The following NPEPPS variants were observed in gnomAD, a reference collection of about 807,000 sequenced individuals.
NPEPPS encodes the protein aminopeptidase puromycin sensitive.
A neutral mutation model predicts 115.5 loss-of-function variants in NPEPPS; 14 were observed. The ratio of observed to expected loss-of-function variants is 0.12; its 90% CI spans 0.08 to 0.19. NPEPPS has a LOEUF of 0.19. Ranked by LOEUF, NPEPPS falls within the 10% of genes least tolerant of loss-of-function variation. NPEPPS has a pLI of 1.00. For missense variants in NPEPPS, 523 were observed against 1,110.8 expected, an observed-to-expected ratio of 0.47 and a Z score of 7.52; for synonymous variants, 285 against 390.6, an observed-to-expected ratio of 0.73 and a Z score of 3.19.
intron 17 of NPEPPS, among the ~76,000 whole-genome samples, chr17:47,612,087 G>A (rs1913906483): frequency 1.3e-5 from 2 of 152,070 alleles, no homozygotes; most frequent in Admixed American, 1.3e-4. Flanking sequence ...ATTATACAAA[G>A]AGCATACTAG....
intron 2 of NPEPPS, among the ~76,000 whole-genome samples, chr17:47,560,028 A>G (rs1207655532): frequency 6.6e-6 from 1 of 152,208 alleles, no homozygotes; most frequent in African/African-American, 2.4e-5. Flanking sequence ...AAAGTGGCCT[A>G]GAATGCAAAG....
At chr17:47,594,585 T>G (rs1912727694) in intron 12 of NPEPPS, among the ~76,000 whole-genome samples, 1 of 137,856 alleles carries the variant, frequency 7.3e-6, no homozygotes, top group Non-Finnish European at 1.5e-5. Flanking sequence ...TAATTTTGTA[T>G]TTTATTTTAT....
chr17:47,600,917 A>G (rs183561125), intron 14 of NPEPPS, among the ~76,000 whole-genome samples: 2 of 152,186 alleles, frequency 1.3e-5, no homozygotes, highest in African/African-American at 4.8e-5. Flanking sequence ...GCACCTTAGA[A>G]TTTGTTTTTA....
At chr17:47,578,538 TATAAA>T (rs1911671068) in intron 3 of NPEPPS, among the ~76,000 whole-genome samples, 1 of 152,148 alleles carries the variant, frequency 6.6e-6, no homozygotes, top group Admixed American at 6.6e-5. Context: ...TTTTTTATGT[TATAAA>T]AAAGAAAGTA....
chr17:47,569,149 T>C lies in NPEPPS; in HGVS notation c.341-268T>C, dbSNP rs1180788233. On this transcript the variant is annotated intron_variant, in intron 2 of 22. Coordinates refer to ENST00000322157, the MANE Select transcript of NPEPPS (RefSeq NM_006310.4). ...CACACAGGAATCTGATAGAAAAGCA[T>C]CACATTTATAAAGCCTTCTTTCCTG... Among the ~76,000 whole-genome samples the C allele has an allele frequency of 5.8e-3, 881 of 152,116 alleles. 10 individuals carry two copies. The highest frequency in any genetic ancestry group is 0.02 in the African/African-American group (819 of 41,524).
Position 47,544,776 on chromosome 17 carries a change from C to T in NPEPPS, c.256-1133C>T, listed in dbSNP as rs556735121. ...TCGCCCAGGCTGCAGTGCAATGGTG[C>T]GATCTCGGCCCATTGCAAGCTCACC... On this transcript the variant is annotated intron_variant, in intron 1 of 22. Transcript: ENST00000322157. Among the ~76,000 whole-genome samples the T allele has an allele frequency of 6.1e-3, 798 of 130,480 alleles. 36 individuals are homozygous for T. The Admixed American group carries it at 0.064, about 10-fold the overall frequency. The allele number at this position is 130,480 out of a possible 152,430, so 85.6% of individuals were successfully genotyped here. A position where few individuals can be genotyped will look rare whatever the true frequency, so the allele number is the denominator to read the frequency against.
rs1187226796 is a variant in NPEPPS at position 47,585,653 on chromosome 17, G to A, written c.802G>A (p.Val268Ile). The A allele has an allele frequency of 1.9e-6, 3 of 1,613,798 alleles. No homozygotes were observed. The highest frequency in any genetic ancestry group is 1.3e-5 in the African/African-American group (1 of 74,902). ...TRSKDGVCVR[V>I]YTPVGKAEQG... is the part of the protein sequence containing the mutation. ...GTCAAAAGATGGTGTGTGTGTCCGTGTTTACACTCCTGTTGGCAAAGCAGA... is the reference window on the plus strand; with the variant it reads ...GTCAAAAGATGGTGTGTGTGTCCGTATTTACACTCCTGTTGGCAAAGCAGA... Residue 268 changes from valine (V) to isoleucine (I), a missense_variant, in exon 6 of 23, where the codon GTT becomes ATT. Physicochemically the swap from Val to Ile is conservative, Grantham distance 29 (BLOSUM62 3). This residue lies in a region of NPEPPS where 144 missense variants were observed against 512.4 expected (regional missense o/e 0.28). Transcript: ENST00000322157.
At chr17:47,584,738 C>A (rs1056784323) in intron 5 of NPEPPS, among the ~76,000 whole-genome samples, 4 of 152,122 alleles carry the variant, frequency 2.6e-5, no homozygotes, top group Non-Finnish European at 5.9e-5. Flanking sequence ...GTTGAAATTT[C>A]TTCACAAATA....
rs201667392 is a variant in NPEPPS, at chr17:47,594,582, GTATTT to G, written c.1427-1762_1427-1758del. 5.8e-3 allele frequency among the ~76,000 whole-genome samples: 659 copies of G among 113,544 alleles called. 4 individuals carry two copies. Among genetic ancestry groups the G allele is most frequent in the African/African-American group, 0.016 (446 of 27,664 alleles). 74.5% of individuals were successfully genotyped at this position (113,544 alleles called of 152,430 possible). ...TGTGCCACCACGGCCGGCTAATTTT[GTATTT>G]TATTTTATGTTATGTTATGTTATGT... On this transcript the variant is annotated intron_variant, in intron 12 of 22. Transcript: ENST00000322157.
rs923589103 is a variant in NPEPPS, at chr17:47,618,410, A to G, written c.2356A>G (p.Thr786Ala). 6.2e-7 allele frequency: 1 copy of G among 1,613,718 alleles called. No individual in the cohort carries two copies. Among genetic ancestry groups the G allele is most frequent in the Non-Finnish European group, 8.5e-7 (1 of 1,179,814 alleles). Residue 786 changes from threonine to alanine, a missense_variant, in exon 20 of 23, where the codon ACT becomes GCT. By Grantham distance (58) the Thr-to-Ala change is moderately conservative. Coordinates refer to ENST00000322157, the MANE Select transcript of NPEPPS (RefSeq NM_006310.4). ...KNRIERVLGATLLPDLIQKVL... is the reference protein window; with the variant it reads ...KNRIERVLGAALLPDLIQKVL... The stretch of plus-strand genomic sequence containing the variant: ...CCGAATCGAAAGAGTCCTTGGCGCT[A>G]CTCTTTTGCCTGACCTGATTCAAAA...
intron 2 of NPEPPS, among the ~76,000 whole-genome samples, chr17:47,547,123 A>G (rs1597823116): frequency 1.3e-5 from 2 of 152,220 alleles, no homozygotes; most frequent in African/African-American, 4.8e-5. Context: ...GAAGCTAAAT[A>G]ATGGAGTTAG....
At chr17:47,588,999 C>T (rs1224569380) in intron 9 of NPEPPS, among the ~76,000 whole-genome samples, 4 of 152,176 alleles carry the variant, frequency 2.6e-5, no homozygotes, top group African/African-American at 9.7e-5. Context: ...TCATTACAGT[C>T]TTTACCTCTG....
At chr17:47,572,895 C>G (rs1036718171) in intron 3 of NPEPPS, among the ~76,000 whole-genome samples, 3 of 152,162 alleles carry the variant, frequency 2.0e-5, no homozygotes, top group African/African-American at 7.2e-5. Flanking sequence ...CCTGCCTCAG[C>G]CTCCTGGGTA....
At chr17:47,563,297 C>T (rs1159232333) in intron 2 of NPEPPS, among the ~76,000 whole-genome samples, 1 of 151,946 alleles carries the variant, frequency 6.6e-6, no homozygotes, top group Non-Finnish European at 1.5e-5. Flanking sequence ...CTCCCAAAGT[C>T]CTGGGATTAC....
At chr17:47,559,467 TCG>T (rs1165111758) in intron 2 of NPEPPS, 2 of 198,024 alleles carry the variant, frequency 1.0e-5, no homozygotes, top group Non-Finnish European at 2.1e-5. Context: ...TAAAGTAACT[TCG>T]CGTTACTTGC....
At chr17:47,548,514 A>C (rs556590639) in intron 2 of NPEPPS, among the ~76,000 whole-genome samples, 1 of 151,726 alleles carries the variant, frequency 6.6e-6, no homozygotes, top group East Asian at 1.9e-4. Flanking sequence ...TCCAGCTGGC[A>C]TGGTTTCAGC....
intron 13 of NPEPPS, among the ~76,000 whole-genome samples, chr17:47,599,093 ATC>A (rs1220375740): frequency 1.3e-5 from 2 of 152,206 alleles, no homozygotes; most frequent in African/African-American, 4.8e-5. Flanking sequence ...CTTGATTATG[ATC>A]TGTTTCTCAC....
chr17:47,589,005 C>T (rs1421367765), intron 9 of NPEPPS, among the ~76,000 whole-genome samples: 1 of 152,060 alleles, frequency 6.6e-6, no homozygotes, highest in South Asian at 2.1e-4. Flanking sequence ...CAGTCTTTAC[C>T]TCTGGGCTCA....
intron 2 of NPEPPS, among the ~76,000 whole-genome samples, chr17:47,565,325 G>A (rs1233469182): frequency 4.6e-5 from 7 of 152,012 alleles, no homozygotes; most frequent in Middle Eastern, 3.4e-3. Flanking sequence ...CCTGGCCAAC[G>A]TGCTGAAACT....
Sources: gnomAD v4.1 joint callset for allele counts (sites outside exome capture counted in the v4.1 genomes callset) on GRCh38, gnomAD v4.1.1 for gene constraint, gnomAD v4.1.1 regional missense constraint, MANE v1.5 for transcripts, NCBI Gene and HGNC (gene_info 2026-07-23, HGNC 2026-07-21) for gene names.